The following RBPMS variants were observed in gnomAD, a reference collection of about 807,000 sequenced individuals.
The protein encoded by RBPMS is RNA binding protein, mRNA processing factor.
RBPMS carries 7 observed loss-of-function variants against 26.8 expected under a neutral mutation model. The observed-to-expected ratio is 0.26, with a 90% confidence interval of 0.15 to 0.49. RBPMS has a LOEUF of 0.49. RBPMS is among the 20% of genes least tolerant of loss of function. The probability of loss-of-function intolerance (pLI) is 0.98; values close to 1 mark genes in which losing one functional copy is unlikely to be tolerated. For synonymous variants in RBPMS, 96 were observed against 93.3 expected (o/e 1.03, Z -0.17); for missense variants, 186 against 250.0 (o/e 0.74, Z 1.73).
At chr8:30,556,384 G>T (rs1006243176) in intron 6 of RBPMS, 1 of 985,720 alleles carries the variant, frequency 1.0e-6, no homozygotes, top group Non-Finnish European at 1.2e-6. Flanking sequence ...GTGCGAGTGA[G>T]AACGTGAGGG....
chr8:30,449,175 A>G (rs1246347519), intron 1 of RBPMS, among the ~76,000 whole-genome samples: 1 of 152,246 alleles, frequency 6.6e-6, no homozygotes, highest in Non-Finnish European at 1.5e-5. Context: ...TGAAAATGAA[A>G]GAAAAGAAAC....
At chr8:30,547,232 T>G in intron 6 of RBPMS, 1 of 1,118,740 alleles carries the variant, frequency 8.9e-7, no homozygotes, top group South Asian at 1.3e-5. Flanking sequence ...TTTAAATAAT[T>G]TTGTTTTTCT....
At chr8:30,529,380 TA>T (rs1335116334) in intron 5 of RBPMS, among the ~76,000 whole-genome samples, 1 of 152,012 alleles carries the variant, frequency 6.6e-6, no homozygotes, top group East Asian at 1.9e-4. Flanking sequence ...TGCATGCCTG[TA>T]ATCCCAGCTA....
chr8:30,440,756 A>G (rs1001144866), intron 1 of RBPMS, among the ~76,000 whole-genome samples: 2 of 150,880 alleles, frequency 1.3e-5, no homozygotes, highest in African/African-American at 4.9e-5. Flanking sequence ...TAAAGGTTCC[A>G]ATTTTTCCCA....
At chr8:30,431,426 T>G (rs1811923397) in intron 1 of RBPMS, among the ~76,000 whole-genome samples, 1 of 151,546 alleles carries the variant, frequency 6.6e-6, no homozygotes, top group Non-Finnish European at 1.5e-5. Context: ...CTCTTCTCTC[T>G]TCTCTTCTCT....
At chr8:30,514,161 AG>A (rs1280746217) in intron 5 of RBPMS, among the ~76,000 whole-genome samples, 1 of 152,214 alleles carries the variant, frequency 6.6e-6, no homozygotes, top group Non-Finnish European at 1.5e-5. Context: ...CACTTTGTTA[AG>A]AAAAAAGCCA....
intron 1 of RBPMS, among the ~76,000 whole-genome samples, chr8:30,407,754 C>T (rs575702694): frequency 1.0e-4 from 7 of 68,268 alleles, no homozygotes; most frequent in Middle Eastern, 9.5e-3. Context: ...TCCACCACTG[C>T]TCCTCCCAGT....
intron 1 of RBPMS, among the ~76,000 whole-genome samples, chr8:30,427,798 T>C (rs926387352): frequency 6.6e-6 from 1 of 152,168 alleles, no homozygotes; most frequent in Non-Finnish European, 1.5e-5. Context: ...GCTTTGTGAC[T>C]TGCCATCTCT....
intron 5 of RBPMS, among the ~76,000 whole-genome samples, chr8:30,508,083 A>G (rs1821239801): frequency 6.6e-6 from 1 of 152,138 alleles, no homozygotes; most frequent in African/African-American, 2.4e-5. Flanking sequence ...TTAAGTTCAA[A>G]TGGGGCCCTT....
intron 1 of RBPMS, among the ~76,000 whole-genome samples, chr8:30,443,254 A>G (rs150071925): frequency 6.0e-4 from 92 of 152,318 alleles, no homozygotes; most frequent in African/African-American, 2.0e-3. Flanking sequence ...TTTTCTCTGA[A>G]GACTATTTTA....
At chr8:30,486,386 G>A (rs1818783182) in intron 4 of RBPMS, among the ~76,000 whole-genome samples, 1 of 150,068 alleles carries the variant, frequency 6.7e-6, no homozygotes, top group Non-Finnish European at 1.5e-5. Context: ...AAAAAACAGG[G>A]TTCAGCCCAG....
rs1166173373 is a variant in RBPMS at position 30,408,918 on chromosome 8, C to T, written c.66+23760C>T. Among the ~76,000 whole-genome samples, 3 of 152,174 alleles carry T rather than the reference C, an allele frequency of 2.0e-5. No individual in the cohort carries two copies. In the East Asian group the frequency reaches 5.8e-4, roughly 29 times the overall value. ...TGCTTTTTTTCCTCTATGGATTAGC[C>T]TGTTTCAGACATTTCATGCAAGTGG... On this transcript the variant is annotated intron_variant, in intron 1 of 8. Coordinates refer to ENST00000397323, the MANE Select transcript of RBPMS (RefSeq NM_001008710.3).
At chr8:30,440,545 G>A (rs28664742) in intron 1 of RBPMS, among the ~76,000 whole-genome samples, 3,088 of 152,162 alleles carry the variant, frequency 0.02, 123 homozygotes, top group African/African-American at 0.071. Context: ...GGCTTCCATC[G>A]TATTTTTCCA....
rs1554515792 is a variant in RBPMS, at chr8:30,446,854, C to CGCGCGCACGT, written c.67-27920_67-27919insCACGTGCGCG. The CGCGCGCACGT allele has an allele frequency of 2.5e-3, 347 of 137,968 alleles. 4 individuals carry two copies. Among genetic ancestry groups the CGCGCGCACGT allele is most frequent in the African/African-American group, 9.0e-3 (307 of 34,248 alleles). 8.5% of individuals were successfully genotyped at this position (137,968 alleles called of 1,614,324 possible). ...GTGTGTGTGTGTGTGCGCGCGCGCGCGCGCGGTGGAGGGTAGTGGGGTAGA... is the reference window on the plus strand; with the variant it reads ...GTGTGTGTGTGTGTGCGCGCGCGCGCGCGCGCACGTGCGCGGTGGAGGGTAGTGGGGTAGA... On this transcript the variant is annotated intron_variant, in intron 1 of 8. Transcript: ENST00000397323.
At chr8:30,431,591 CAG>C (rs1442763458) in intron 1 of RBPMS, among the ~76,000 whole-genome samples, 1 of 151,856 alleles carries the variant, frequency 6.6e-6, no homozygotes, top group Non-Finnish European at 1.5e-5. Flanking sequence ...GCTGGGGCTA[CAG>C]GCGTGCACCA....
intron 1 of RBPMS, among the ~76,000 whole-genome samples, chr8:30,426,508 T>A (rs1208254294): frequency 3.3e-5 from 5 of 152,140 alleles, no homozygotes; most frequent in Non-Finnish European, 5.9e-5. Context: ...TTTGGGGTCC[T>A]GAATAGGTAG....
chr8:30,517,400 G>C (rs894264942), intron 5 of RBPMS, among the ~76,000 whole-genome samples: 4 of 152,084 alleles, frequency 2.6e-5, no homozygotes, highest in African/African-American at 7.2e-5. Flanking sequence ...TAGGACCCTA[G>C]CTATACTGAG....
chr8:30,471,022 A>G (rs1817036501), intron 1 of RBPMS, among the ~76,000 whole-genome samples: 1 of 152,236 alleles, frequency 6.6e-6, no homozygotes, highest in Non-Finnish European at 1.5e-5. Flanking sequence ...GAGGTAATAA[A>G]TTGAGGTAAT....
intron 1 of RBPMS, among the ~76,000 whole-genome samples, chr8:30,410,250 AGG>A (rs2150576834): frequency 6.6e-6 from 1 of 151,808 alleles, no homozygotes; most frequent in South Asian, 2.1e-4. Flanking sequence ...TCTGTTGCCC[AGG>A]CTGGAGTGCA....
Sources: allele counts gnomAD v4.1 joint callset (sites outside exome capture counted in the v4.1 genomes callset), GRCh38; gene constraint gnomAD v4.1.1; transcripts MANE v1.5; gene names NCBI Gene and HGNC (gene_info 2026-07-23, HGNC 2026-07-21).